ITFG1: variants seen among roughly 807,000 people sequenced by gnomAD.
ITFG1 encodes the protein integrin alpha FG-GAP repeat containing 1.
Under a neutral mutation model 81.8 loss-of-function variants are expected in ITFG1, and 34 were observed. The observed-to-expected ratio is 0.42, with a 90% confidence interval of 0.32 to 0.55. The LOEUF is 0.55. Among genes scored for constraint, ITFG1 ranks in the 20% least tolerant of loss-of-function variants. ITFG1 has a pLI of 0.17. For missense variants in ITFG1, 672 were observed against 755.4 expected, an observed-to-expected ratio of 0.89 and a Z score of 1.29; for synonymous variants, 285 against 270.6, an observed-to-expected ratio of 1.05 and a Z score of -0.52.
chr16:47,282,456 T>A (rs1329204952), intron 10 of ITFG1, among the ~76,000 whole-genome samples: 1 of 152,122 alleles, frequency 6.6e-6, no homozygotes, highest in Non-Finnish European at 1.5e-5. Context: ...ATGGTGTATA[T>A]GTATATGATA....
intron 14 of ITFG1, among the ~76,000 whole-genome samples, chr16:47,208,774 A>T (rs762639835): frequency 1.3e-5 from 2 of 152,162 alleles, no homozygotes; most frequent in African/African-American, 4.8e-5. Context: ...GTTAGAGATA[A>T]CCAACTTCTC....
intron 8 of ITFG1, among the ~76,000 whole-genome samples, chr16:47,359,660 C>T (rs1164147418): frequency 2.0e-5 from 3 of 152,210 alleles, no homozygotes; most frequent in African/African-American, 7.2e-5. Flanking sequence ...ACTACAAGAC[C>T]TGGCCAAGTG....
chr16:47,275,982 G>C (rs1035087501), intron 10 of ITFG1, among the ~76,000 whole-genome samples: 1 of 152,028 alleles, frequency 6.6e-6, no homozygotes, highest in Non-Finnish European at 1.5e-5. Flanking sequence ...TGAATAAAAA[G>C]AATGTATGGT....
intron 10 of ITFG1, among the ~76,000 whole-genome samples, chr16:47,302,073 A>T (rs561353396): frequency 6.6e-6 from 1 of 152,200 alleles, no homozygotes; most frequent in East Asian, 1.9e-4. Flanking sequence ...GTTTCTGATT[A>T]TAAAAGCAAT....
chr16:47,455,774 C>T (rs1286786558), intron 2 of ITFG1, among the ~76,000 whole-genome samples: 2 of 100,718 alleles, frequency 2.0e-5, no homozygotes, highest in African/African-American at 8.6e-5. Context: ...CTCCATCCCC[C>T]ACCAAAAAAA....
chr16:47,432,966 T>C (rs2151611051), intron 5 of ITFG1, among the ~76,000 whole-genome samples: 1 of 152,316 alleles, frequency 6.6e-6, no homozygotes, highest in East Asian at 1.9e-4. Context: ...ATTCATGTTA[T>C]AGGCCAAGAA....
chr16:47,306,479 C>A (rs561326931), intron 10 of ITFG1, among the ~76,000 whole-genome samples: 1 of 152,058 alleles, frequency 6.6e-6, no homozygotes, highest in South Asian at 2.1e-4. Flanking sequence ...AGATACCTTT[C>A]TAAATAATTC....
At chr16:47,340,309 T>C (rs941650716) in intron 8 of ITFG1, among the ~76,000 whole-genome samples, 1 of 152,190 alleles carries the variant, frequency 6.6e-6, no homozygotes, top group Non-Finnish European at 1.5e-5. Context: ...ACTTTTTATT[T>C]GCTATATGAT....
chr16:47,298,706 C>T (rs1967023627), intron 10 of ITFG1, among the ~76,000 whole-genome samples: 1 of 152,172 alleles, frequency 6.6e-6, no homozygotes, highest in Non-Finnish European at 1.5e-5. Context: ...GCAGAGGTCA[C>T]ATGAAGCCTG....
intron 14 of ITFG1, among the ~76,000 whole-genome samples, chr16:47,185,825 G>T (rs1351272341): frequency 6.6e-6 from 1 of 152,144 alleles, no homozygotes; most frequent in South Asian, 2.1e-4. Context: ...CCAGAAGCTG[G>T]TTTTCTGAAA....
chr16:47,351,535 C>T (rs1372026918), intron 8 of ITFG1, among the ~76,000 whole-genome samples: 1 of 152,138 alleles, frequency 6.6e-6, no homozygotes, highest in African/African-American at 2.4e-5. Flanking sequence ...AGGAGAACTA[C>T]AAACCACTGC....
At chr16:47,400,784 G>A (rs972403615) in intron 6 of ITFG1, among the ~76,000 whole-genome samples, 3 of 152,126 alleles carry the variant, frequency 2.0e-5, no homozygotes, top group African/African-American at 7.2e-5. Context: ...TAAGCTCCAT[G>A]TGGCGGGAGC....
At chr16:47,444,782 T>C (rs1311897941) in intron 5 of ITFG1, among the ~76,000 whole-genome samples, 1 of 152,138 alleles carries the variant, frequency 6.6e-6, no homozygotes, top group Non-Finnish European at 1.5e-5. Flanking sequence ...CAACAATCAT[T>C]TTACCTTCCA....
rs147430366 is a variant in ITFG1 at position 47,436,365 on chromosome 16, A to G, written c.561-7467T>C. 7.5e-3 allele frequency among the ~76,000 whole-genome samples: 1,142 copies of G among 152,276 alleles called. 19 individuals carry two copies. Among genetic ancestry groups the G allele is most frequent in the African/African-American group, 0.026 (1,082 of 41,566 alleles). The stretch of plus-strand genomic sequence containing the variant: ...GTTTTGCTCATGGATCTCAGCGTTT[A>G]AAAAAACTCCCTTTGAAGTTGAATT... On this transcript the variant is annotated intron_variant, in intron 5 of 17. Coordinates refer to ENST00000320640, the MANE Select transcript of ITFG1 (RefSeq NM_030790.5).
At chr16:47,288,498 T>C (rs1966878883) in intron 10 of ITFG1, among the ~76,000 whole-genome samples, 1 of 152,214 alleles carries the variant, frequency 6.6e-6, no homozygotes, top group Non-Finnish European at 1.5e-5. Context: ...CTATTTTTTA[T>C]ATTTTTTGAG....
chr16:47,187,456 C>T (rs867998940), intron 14 of ITFG1, among the ~76,000 whole-genome samples: 1,858 of 152,102 alleles, frequency 0.012, 37 homozygotes, highest in African/African-American at 0.043. Context: ...GAAATAATGC[C>T]GCATATCTAC....
At chr16:47,427,102 C>T (rs1395567273) in intron 6 of ITFG1, among the ~76,000 whole-genome samples, 1 of 152,068 alleles carries the variant, frequency 6.6e-6, no homozygotes, top group Non-Finnish European at 1.5e-5. Flanking sequence ...GCTAATTATA[C>T]CTGCAGTAGA....
intron 6 of ITFG1, among the ~76,000 whole-genome samples, chr16:47,421,408 G>T: frequency 6.6e-6 from 1 of 151,804 alleles, no homozygotes; most frequent in East Asian, 1.9e-4. Flanking sequence ...AGGTTCAAGC[G>T]ATTCTCCTGC....
intron 10 of ITFG1, among the ~76,000 whole-genome samples, chr16:47,269,561 T>C (rs1966314831): frequency 7.1e-6 from 1 of 141,364 alleles, no homozygotes; most frequent in Non-Finnish European, 1.5e-5. Flanking sequence ...TACTTAGGTA[T>C]AAATCTGACA....
Sources: allele counts gnomAD v4.1 joint callset (sites outside exome capture counted in the v4.1 genomes callset), GRCh38; gene constraint gnomAD v4.1.1; transcripts MANE v1.5; gene names NCBI Gene and HGNC (gene_info 2026-07-23, HGNC 2026-07-21).